LAMA1: variants seen among roughly 807,000 people sequenced by gnomAD.
LAMA1 encodes laminin subunit alpha-1.
Under a neutral mutation model 348.7 loss-of-function variants are expected in LAMA1, and 219 were observed. That is an observed-to-expected ratio of 0.63 (90% CI 0.56 to 0.70). The LOEUF (loss-of-function observed/expected upper bound fraction) is 0.70, where lower values mean the gene tolerates loss of function less well. LAMA1 is among the 30% of genes least tolerant of loss of function. The pLI is 0.00. For missense variants in LAMA1, 3,744 were observed against 3,888.0 expected (o/e 0.96, Z 0.99); for synonymous variants, 1,487 against 1,491.0 (o/e 1.00, Z 0.06).
chr18:7,083,964 T>G (rs2143789236), intron 1 of LAMA1, among the ~76,000 whole-genome samples: 1 of 150,464 alleles, frequency 6.6e-6, no homozygotes, highest in South Asian at 2.1e-4. Flanking sequence ...ATCCAGCTAC[T>G]CGGGAGGCTG....
At chr18:7,098,305 C>T (rs1344355835) in intron 1 of LAMA1, among the ~76,000 whole-genome samples, 2 of 151,842 alleles carry the variant, frequency 1.3e-5, no homozygotes, top group East Asian at 2.0e-4. Flanking sequence ...TCTGCCTGGC[C>T]GCCCATCGTC....
intron 21 of LAMA1, among the ~76,000 whole-genome samples, 155 bp downstream of exon 21, chr18:7,016,336 T>C (rs1036563513): frequency 6.6e-6 from 1 of 152,048 alleles, no homozygotes; most frequent in African/African-American, 2.4e-5. Context: ...TGTACCCTGA[T>C]AGGGACCAGA....
rs113460451 is a variant in LAMA1 at position 6,975,291 on chromosome 18, G to A, written c.6490-255C>T. Among the ~76,000 whole-genome samples, 270 of 152,254 alleles carry A rather than the reference G, an allele frequency of 1.8e-3. 1 individual carries two copies. The highest frequency in any genetic ancestry group is 6.1e-3 in the African/African-American group (252 of 41,552). ...GGCCCTCCTCAATGTCTCCCACAGA[G>A]TCCCCAGGAAAATTCGCTGCAGGTC... On this transcript the variant is annotated intron_variant, in intron 45 of 62. Coordinates refer to ENST00000389658, the MANE Select transcript of LAMA1 (RefSeq NM_005559.4).
At chr18:6,970,499 T>TTA (rs1214860892) in intron 48 of LAMA1, among the ~76,000 whole-genome samples, 5 of 152,168 alleles carry the variant, frequency 3.3e-5, no homozygotes, top group African/African-American at 1.2e-4. Flanking sequence ...GTGAAGAGAC[T>TTA]TATTATCCAA....
rs907189486 is a variant in LAMA1 at position 7,040,293 on chromosome 18, G to A, written c.1262-57C>T. 6.3e-6 allele frequency: 10 copies of A among 1,584,866 alleles called. No homozygotes were observed. In the African/African-American group the frequency reaches 1.1e-4, roughly 17 times the overall value. ...TGAAGGCAAAAGAGGTTTAAAGCAG[G>A]GGTTGGCAAATGTTTTCTGTAAAGG... On this transcript the variant is annotated intron_variant, in intron 9 of 62. Transcript: ENST00000389658.
chr18:7,061,339 A>C (rs191382464), intron 3 of LAMA1, among the ~76,000 whole-genome samples: 2 of 152,196 alleles, frequency 1.3e-5, no homozygotes, highest in Admixed American at 6.5e-5. Flanking sequence ...CAGCCTCAAA[A>C]CCACAGCCAG....
At chr18:6,969,547 A>G (rs1164969827) in intron 48 of LAMA1, among the ~76,000 whole-genome samples, 1 of 152,204 alleles carries the variant, frequency 6.6e-6, no homozygotes, top group African/African-American at 2.4e-5. Context: ...ACCCTACACC[A>G]AACTAGCATT....
At chr18:7,014,227 T>G (rs1051664556) in intron 22 of LAMA1, among the ~76,000 whole-genome samples, 176 bp from the exon 23 acceptor site, 1 of 152,256 alleles carries the variant, frequency 6.6e-6, no homozygotes, top group Non-Finnish European at 1.5e-5. Flanking sequence ...ACAGGCATTG[T>G]GTTGCCGGAA....
intron 1 of LAMA1, among the ~76,000 whole-genome samples, chr18:7,111,120 T>C (rs1308373431): frequency 6.6e-6 from 1 of 152,184 alleles, no homozygotes; most frequent in Admixed American, 6.5e-5. Flanking sequence ...GGAGGTTCTC[T>C]GGCACAAGAA....
Position 7,050,851 on chromosome 18 carries a change from G to T in LAMA1, c.431C>A (p.Thr144Asn), listed in dbSNP as rs764223046. Residue 144 changes from threonine (T) to asparagine (N), a missense_variant, in exon 4 of 63, where the codon ACC becomes AAC. Physicochemically the swap from Thr to Asn is moderately conservative, Grantham distance 65. Coordinates refer to ENST00000389658, the MANE Select transcript of LAMA1 (RefSeq NM_005559.4). ...ATAATACTGCCAGGGGCTGAACGTG[G>T]TGCCATCCAGAGAACGCTCCAAAAT... ...NWILERSLDG[T>N]TFSPWQYYAV... 4.3e-6 allele frequency: 7 copies of T among 1,614,070 alleles called. No individual in the cohort carries two copies. Among genetic ancestry groups the T allele is most frequent in the South Asian group, 1.1e-5 (1 of 91,082 alleles).
At chr18:6,991,892 T>C (rs887920653) in intron 36 of LAMA1, among the ~76,000 whole-genome samples, 8 of 152,252 alleles carry the variant, frequency 5.3e-5, no homozygotes, top group African/African-American at 1.9e-4. Context: ...TTTCATTAGA[T>C]TATAGTTTAG....
chr18:7,042,060 G>T, intron 9 of LAMA1, 85 bp downstream of exon 9: 2 of 875,010 alleles, frequency 2.3e-6, no homozygotes, highest in Admixed American at 2.0e-5. Context: ...TTACCAACTG[G>T]CTATTACCAT....
At chr18:6,965,924 T>C in intron 49 of LAMA1, 1 of 555,518 alleles carries the variant, frequency 1.8e-6, no homozygotes, top group South Asian at 2.2e-5. Flanking sequence ...TTCTACTTGG[T>C]GTTCTTCTAT....
At chr18:7,107,795 A>C (rs1385209804) in intron 1 of LAMA1, among the ~76,000 whole-genome samples, 3 of 151,998 alleles carry the variant, frequency 2.0e-5, no homozygotes, top group African/African-American at 4.8e-5. Flanking sequence ...CGGGCAGATC[A>C]CGAGGTCAGG....
chr18:6,942,094 A>C lies in LAMA1; in HGVS notation c.9213T>G (p.Pro3071=), dbSNP rs139690829. The C allele has an allele frequency of 6.2e-7, 1 of 1,614,066 alleles. No individual in the cohort carries two copies. Among genetic ancestry groups the C allele is most frequent in the African/African-American group, 1.3e-5 (1 of 74,946 alleles). The stretch of plus-strand genomic sequence containing the variant: ...TGCTTGAAGTTCAGGACTCGGTCCC[A>C]GGACAGGAATGAAGGAAAACTCCGT... ...ELHGVFLHSC[P]GTES The change falls in exon 63 of 63, where the codon CCT becomes CCG. Residue 3071 remains proline, a synonymous_variant. Coordinates refer to ENST00000389658, the MANE Select transcript of LAMA1 (RefSeq NM_005559.4).
At chr18:6,964,214 T>C (rs1176423228) in intron 51 of LAMA1, 1 of 245,008 alleles carries the variant, frequency 4.1e-6, no homozygotes, top group African/African-American at 2.2e-5. Flanking sequence ...TGGCATAGAG[T>C]ACTCTGAATA....
chr18:7,116,242 GAAC>G (rs2058355816), intron 1 of LAMA1, among the ~76,000 whole-genome samples: 1 of 152,174 alleles, frequency 6.6e-6, no homozygotes, highest in African/African-American at 2.4e-5. Flanking sequence ...CAATTTCGGG[GAAC>G]AATAAGCTGA....
At chr18:7,034,736 T>C (rs1487613689) in intron 13 of LAMA1, 46 bp from the exon 14 acceptor site, 7 of 1,542,902 alleles carry the variant, frequency 4.5e-6, no homozygotes, top group African/African-American at 2.8e-5. Context: ...TTCAATTTAA[T>C]GATAAAATAA....
At chr18:7,019,853 T>G (rs1290504857) in intron 19 of LAMA1, among the ~76,000 whole-genome samples, 1 of 151,788 alleles carries the variant, frequency 6.6e-6, no homozygotes, top group Non-Finnish European at 1.5e-5. Context: ...AGCTAATTTT[T>G]GTATTTTTAG....
Sources: gnomAD v4.1 joint callset for allele counts (sites outside exome capture counted in the v4.1 genomes callset) on GRCh38, gnomAD v4.1.1 for gene constraint, MANE v1.5 for transcripts, NCBI Gene and HGNC (gene_info 2026-07-23, HGNC 2026-07-21) for gene names.